RAD9A: variants seen among roughly 807,000 people sequenced by gnomAD.
RAD9A encodes the protein cell cycle checkpoint control protein RAD9A.
In RAD9A, 25 loss-of-function variants were observed where a neutral mutation model predicts 41.2. The observed-to-expected ratio is 0.61, with a 90% CI of 0.44 to 0.85. The LOEUF is 0.85. Ranked by LOEUF, RAD9A falls within the 40% of genes least tolerant of loss-of-function variation. The pLI, the probability that RAD9A is intolerant of heterozygous loss-of-function variation, is 0.00. For missense variants in RAD9A, 514 were observed against 518.3 expected, an observed-to-expected ratio of 0.99 and a Z score of 0.08; for synonymous variants, 252 against 210.6, an observed-to-expected ratio of 1.20 and a Z score of -1.70.
rs1565115179 is a variant in RAD9A at position 67,391,998 on chromosome 11, C to G, written c.-47C>G. 5 of 1,534,894 alleles carry G rather than the reference C, an allele frequency of 3.3e-6. No individual in the cohort carries two copies. Among genetic ancestry groups the G allele is most frequent in the Non-Finnish European group, 4.4e-6 (5 of 1,142,948 alleles). On this transcript the variant is annotated 5_prime_UTR_variant, in exon 1 of 11. Transcript: ENST00000307980. ...GGGAAGGGACCCCGGACCCGGAGGT[C>G]GCGGAGAGCTGGGCAGTGTTGGCCG...
At chr11:67,392,517 T>G (rs1384835810) in intron 2 of RAD9A, 137 bp from the exon 3 acceptor site, 6 of 1,301,386 alleles carry the variant, frequency 4.6e-6, no homozygotes, top group Non-Finnish European at 6.3e-6. Flanking sequence ...AAGGCTTCCA[T>G]GGGGAAAGGA....
rs761353431 is a variant in RAD9A, at chr11:67,397,269, G to T, written c.963G>T (p.Val321=). 1 of 1,610,344 alleles carries T rather than the reference G, an allele frequency of 6.2e-7. No individual in the cohort carries two copies. Among genetic ancestry groups the T allele is most frequent in the African/African-American group, 1.3e-5 (1 of 74,798 alleles). ...CTATAGGCAATGAGGGCTCGCGGGT[G>T]CTGCCCTCCATTTCCCTTTCACCTG... is the stretch of plus-strand genomic sequence containing the variant. ...ETTIGNEGSR[V]LPSISLSPGP... Residue 321 remains valine (V), a synonymous_variant, in exon 10 of 11, where the codon GTG becomes GTT. Transcript: ENST00000307980.
At chr11:67,397,058 A>G (rs1862725609) in intron 9 of RAD9A, 121 bp from the exon 10 acceptor site, 1 of 673,774 alleles carries the variant, frequency 1.5e-6, no homozygotes, top group African/African-American at 1.8e-5. Context: ...CAAATCAGGA[A>G]GTCATAAAAC....
chr11:67,396,485 C>T lies in RAD9A; in HGVS notation c.872+85C>T, dbSNP rs1424014808. Reference sequence around the variant, plus strand: ...TGCAACTCCTAGCTTCTGCACCTCCCCGCAATGTGTTCTCTCCCGCCCCTT... The same window carrying T: ...TGCAACTCCTAGCTTCTGCACCTCCTCGCAATGTGTTCTCTCCCGCCCCTT... On this transcript the variant is annotated intron_variant, in intron 9 of 10. Transcript: ENST00000307980. The T allele has an allele frequency of 4.7e-6, 7 of 1,497,616 alleles. No homozygotes were observed. The African/African-American group carries it at 9.6e-5, about 21-fold the overall frequency. The allele number at this position is 1,497,616 out of a possible 1,614,324, so 92.8% of individuals were successfully genotyped here.
chr11:67,392,939 C>CA, intron 3 of RAD9A, 157 bp downstream of exon 3: 1 of 1,090,310 alleles, frequency 9.2e-7, no homozygotes, highest in Non-Finnish European at 1.3e-6. Flanking sequence ...AAAAGCATCA[C>CA]AGCGGGGACC....
rs1862557267 is a variant in RAD9A, at chr11:67,392,559, G to A, written c.106-95G>A. On this transcript the variant is annotated intron_variant, in intron 2 of 10. Coordinates refer to ENST00000307980, the MANE Select transcript of RAD9A (RefSeq NM_004584.3). ...TTCAGCAGGTGGTGGCGGAGCGGGA[G>A]GACGATAGGGCAAGTGTGTGAGCAG... 3.3e-6 allele frequency: 5 copies of A among 1,502,318 alleles called. No homozygotes were observed. In the Admixed American group the frequency reaches 9.2e-5, roughly 28 times the overall value. 93.1% of individuals were successfully genotyped at this position (1,502,318 alleles called of 1,614,324 possible).
At chr11:67,393,206 G>A in intron 3 of RAD9A, 2 of 862,236 alleles carry the variant, frequency 2.3e-6, no homozygotes, top group Non-Finnish European at 1.5e-6. Flanking sequence ...CTTGAATCCG[G>A]GAGGTGGAGG....
intron 2 of RAD9A, 21 bp downstream of exon 2, chr11:67,392,252 G>GGGT: frequency 6.6e-7 from 1 of 1,508,662 alleles, no homozygotes; most frequent in Non-Finnish European, 9.1e-7. Context: ...AGGGTGTGGG[G>GGGT]GGCGGGTGGG....
intron 2 of RAD9A, 28 bp downstream of exon 2, chr11:67,392,259 TG>T: frequency 4.1e-6 from 2 of 484,300 alleles, no homozygotes; most frequent in Non-Finnish European, 8.2e-6. Context: ...GGGGGGCGGG[TG>T]GGACTCCAGC....
intron 2 of RAD9A, 27 bp downstream of exon 2, chr11:67,392,258 G>GGGGGGGGGGA: frequency 7.6e-7 from 1 of 1,319,218 alleles, no homozygotes; most frequent in Non-Finnish European, 1.1e-6. Flanking sequence ...TGGGGGGCGG[G>GGGGGGGGGGA]TGGGACTCCA....
intron 5 of RAD9A, chr11:67,395,407 T>C: frequency 2.7e-6 from 1 of 372,730 alleles, no homozygotes; most frequent in Non-Finnish European, 4.8e-6. Context: ...TTCATCTGTA[T>C]GTCAATGGGT....
At chr11:67,396,851 C>T (rs908439820) in intron 9 of RAD9A, among the ~76,000 whole-genome samples, 2 of 152,118 alleles carry the variant, frequency 1.3e-5, no homozygotes, top group Non-Finnish European at 2.9e-5. Flanking sequence ...CTTTCCAGCT[C>T]CTGTCCCCTG....
chr11:67,396,085 C>T, intron 7 of RAD9A, 26 bp from the exon 8 acceptor site: 2 of 1,613,388 alleles, frequency 1.2e-6, no homozygotes, highest in Non-Finnish European at 1.7e-6. Context: ...AGCCCGGGGC[C>T]TCACCTGCTA....
Position 67,398,360 on chromosome 11 carries a change from C to T in RAD9A, c.*801C>T, listed in dbSNP as rs1862784738. On this transcript the variant is annotated 3_prime_UTR_variant, in exon 11 of 11. Coordinates refer to ENST00000307980, the MANE Select transcript of RAD9A (RefSeq NM_004584.3). ...CCGCAGGTGCAGGCAGGAAGCAGCC[C>T]TGGGGGACTGGACGCTGCTATTGAT... 3.0e-6 allele frequency: 2 copies of T among 676,986 alleles called. No individual in the cohort carries two copies. Among genetic ancestry groups the T allele is most frequent in the Non-Finnish European group, 2.4e-6 (1 of 410,288 alleles). 41.9% of individuals were successfully genotyped at this position (676,986 alleles called of 1,614,324 possible). A position where few individuals can be genotyped will look rare whatever the true frequency, so the allele number is the denominator to read the frequency against.
intron 9 of RAD9A, 148 bp downstream of exon 9, chr11:67,396,548 C>T: frequency 9.7e-7 from 1 of 1,032,316 alleles, no homozygotes; most frequent in African/African-American, 1.6e-5. Context: ...CCCTATAGTG[C>T]TCACAGCTGC....
intron 2 of RAD9A, 27 bp downstream of exon 2, chr11:67,392,258 G>GGGGGGGGT: frequency 1.5e-6 from 2 of 1,319,216 alleles, no homozygotes; most frequent in Non-Finnish European, 2.1e-6. Flanking sequence ...TGGGGGGCGG[G>GGGGGGGGT]TGGGACTCCA....
At position 67,392,508 on chromosome 11, in the gene RAD9A, A is replaced by T. The variant is rs1224277904; in HGVS notation, c.106-146A>T. The T allele has an allele frequency of 5.5e-6, 7 of 1,263,672 alleles. No homozygotes were observed. The East Asian group carries it at 1.8e-4, about 32-fold the overall frequency. 78.3% of individuals were successfully genotyped at this position (1,263,672 alleles called of 1,614,324 possible). A position where few individuals can be genotyped will look rare whatever the true frequency, so the allele number is the denominator to read the frequency against. On this transcript the variant is annotated intron_variant, in intron 2 of 10. Transcript: ENST00000307980. ...GCAGCAGCGCCGGGGCCGACTCTGAAGGCTTCCATGGGGAAAGGAGGGTTT... is the reference window on the plus strand; with the variant it reads ...GCAGCAGCGCCGGGGCCGACTCTGATGGCTTCCATGGGGAAAGGAGGGTTT...
In RAD9A at chr11:67,395,710, TC is replaced by T; in HGVS notation, c.450-5del. The T allele has an allele frequency of 6.3e-7, 1 of 1,588,822 alleles. No individual in the cohort carries two copies. On this transcript the variant is annotated splice_region_variant and splice_polypyrimidine_tract_variant and intron_variant, in intron 5 of 10. Transcript: ENST00000307980. ...CATTTCGGGTAATGCTCCACCCTGT[TC>T]ACAGGGTTCTGGGGGAGGCTGTTCT...
rs1438311373 is a variant in RAD9A, at chr11:67,397,564, A to G, written c.*5A>G. 2 of 1,590,438 alleles carry G rather than the reference A, an allele frequency of 1.3e-6. No individual in the cohort carries two copies. Among genetic ancestry groups the G allele is most frequent in the Admixed American group, 3.3e-5 (2 of 59,902 alleles). On this transcript the variant is annotated 3_prime_UTR_variant, in exon 11 of 11. Transcript: ENST00000307980. ...GACAGTGAGGGTGAAGGCTGAACCA[A>G]GAACCTGAAGCCTGTACCCAGAGGC... is the stretch of plus-strand genomic sequence containing the variant.
Sources: allele counts gnomAD v4.1 joint callset (sites outside exome capture counted in the v4.1 genomes callset), GRCh38; gene constraint gnomAD v4.1.1; transcripts MANE v1.5; gene names NCBI Gene and HGNC (gene_info 2026-07-23, HGNC 2026-07-21).